PIK3CB: variants seen among roughly 807,000 people sequenced by gnomAD.
PIK3CB encodes the protein phosphatidylinositol 4,5-bisphosphate 3-kinase catalytic subunit beta isoform.
Under a neutral mutation model 136.8 loss-of-function variants are expected in PIK3CB, and 39 were observed. That is an observed-to-expected ratio of 0.29 (90% CI 0.22 to 0.37). PIK3CB has a LOEUF of 0.37. Ranked by LOEUF, PIK3CB falls within the 10% of genes least tolerant of loss-of-function variation. The pLI is 1.00. For missense variants in PIK3CB, 868 were observed against 1,275.4 expected (o/e 0.68, Z 4.87); for synonymous variants, 428 against 436.6 (o/e 0.98, Z 0.25).
chr3:138,759,353 C>T lies in PIK3CB; in HGVS notation c.-10G>A, dbSNP rs560827096. ...TGAAACTGAAGCACATTCATAACCA[C>T]GGGGCCCTAGAAATCAGTAATTAAA... On this transcript the variant is annotated 5_prime_UTR_variant, in exon 3 of 24. It adds an upstream start codon to the 5' untranslated region. Transcript: ENST00000674063. 155 of 1,595,308 alleles carry T rather than the reference C, an allele frequency of 9.7e-5. 3 individuals carry two copies. The South Asian group carries it at 1.5e-3, about 16-fold the overall frequency.
At position 138,762,012 on chromosome 3, in the gene PIK3CB, C is replaced by T. The variant is rs528447913; in HGVS notation, c.-16-2653G>A. The stretch of plus-strand genomic sequence containing the variant: ...CTGTAATCCCAGTACTTTGGGAGGC[C>T]GAGGTGGGTGGATCACCTGAGGTCA... On this transcript the variant is annotated intron_variant, in intron 2 of 23. Coordinates refer to ENST00000674063, the MANE Select transcript of PIK3CB (RefSeq NM_006219.3). Among the ~76,000 whole-genome samples, 3 of 151,424 alleles carry T rather than the reference C, an allele frequency of 2.0e-5. No homozygotes were observed. In the South Asian group the frequency reaches 6.3e-4, roughly 32 times the overall value.
rs558268649 is a variant in PIK3CB at position 138,778,504 on chromosome 3, C to T, written c.-17+17959G>A. ...CCAAGCTGAGCAGGGAGCTCACTGG[C>T]ATAGCCTTCTATGTCCCCACAGCCA... is the stretch of plus-strand genomic sequence containing the variant. On this transcript the variant is annotated intron_variant, in intron 2 of 23. Transcript: ENST00000674063. 6 of 239,174 alleles carry T rather than the reference C, an allele frequency of 2.5e-5. No homozygotes were observed. In the South Asian group the frequency reaches 2.8e-4, roughly 11 times the overall value. 14.8% of individuals were successfully genotyped at this position (239,174 alleles called of 1,614,324 possible).
intron 1 of PIK3CB, among the ~76,000 whole-genome samples, chr3:138,833,339 T>C (rs1479825243): frequency 1.3e-5 from 2 of 152,080 alleles, no homozygotes; most frequent in East Asian, 3.9e-4. Flanking sequence ...AGTGCTGGGA[T>C]TACAGGCGTG....
chr3:138,723,813 C>T (rs908100415), intron 8 of PIK3CB, among the ~76,000 whole-genome samples: 1 of 152,062 alleles, frequency 6.6e-6, no homozygotes, highest in Non-Finnish European at 1.5e-5. Context: ...TTTTAATTTC[C>T]TTCTTGTTCC....
intron 10 of PIK3CB, among the ~76,000 whole-genome samples, chr3:138,708,576 C>T (rs1272854268): frequency 6.7e-6 from 1 of 148,574 alleles, no homozygotes; most frequent in Non-Finnish European, 1.5e-5. Context: ...TCAATTTTCA[C>T]CTGGATGGAG....
intron 10 of PIK3CB, among the ~76,000 whole-genome samples, chr3:138,708,966 G>T (rs1199354149): frequency 6.6e-6 from 1 of 151,148 alleles, no homozygotes; most frequent in Non-Finnish European, 1.5e-5. Flanking sequence ...GTGTGTATAG[G>T]GAGACAGAGT....
At chr3:138,717,266 A>AG (rs1384908027) in intron 8 of PIK3CB, among the ~76,000 whole-genome samples, 1 of 152,066 alleles carries the variant, frequency 6.6e-6, no homozygotes, top group East Asian at 1.9e-4. Context: ...AAAAAAAAAA[A>AG]AAAAAGAAGT....
chr3:138,767,115 AGTGAGCCAAGATC>A (rs1343452139), intron 2 of PIK3CB, among the ~76,000 whole-genome samples: 2 of 151,384 alleles, frequency 1.3e-5, no homozygotes, highest in African/African-American at 4.8e-5. Context: ...CAGAAGTTGC[AGTGAGCCAAGATC>A]GTGCCACTGC....
At chr3:138,812,591 G>A (rs559876062) in intron 1 of PIK3CB, among the ~76,000 whole-genome samples, 1 of 150,186 alleles carries the variant, frequency 6.7e-6, no homozygotes, top group South Asian at 2.1e-4. Flanking sequence ...GCAATGGTAT[G>A]ACCTCAGCTG....
intron 3 of PIK3CB, among the ~76,000 whole-genome samples, chr3:138,757,463 G>C (rs1291761138): frequency 7.4e-6 from 1 of 134,680 alleles, no homozygotes; most frequent in African/African-American, 2.9e-5. Flanking sequence ...ACATCCATTA[G>C]GATGGATACT....
intron 1 of PIK3CB, among the ~76,000 whole-genome samples, chr3:138,800,547 G>A (rs538224056): frequency 8.4e-4 from 121 of 144,758 alleles, no homozygotes; most frequent in Non-Finnish European, 1.5e-3. Flanking sequence ...AAACTCCAGG[G>A]CTCAAGCAAT....
intron 21 of PIK3CB, among the ~76,000 whole-genome samples, chr3:138,659,197 T>C (rs888124045): frequency 6.6e-5 from 10 of 152,252 alleles, no homozygotes; most frequent in Non-Finnish European, 1.5e-4. Flanking sequence ...TTTTCATATA[T>C]TAACAAATGT....
intron 1 of PIK3CB, among the ~76,000 whole-genome samples, chr3:138,801,279 G>A (rs544829140): frequency 6.6e-6 from 1 of 152,312 alleles, no homozygotes; most frequent in African/African-American, 2.4e-5. Flanking sequence ...GGAATGAGCA[G>A]TTGTACCATA....
chr3:138,823,733 TAAAA>T (rs59428119), intron 1 of PIK3CB, among the ~76,000 whole-genome samples: 3 of 151,878 alleles, frequency 2.0e-5, no homozygotes, highest in African/African-American at 4.8e-5. Context: ...TTTTTTAAAA[TAAAA>T]AAACTATCAG....
chr3:138,778,729 C>G, intron 2 of PIK3CB: 1 of 252,276 alleles, frequency 4.0e-6, no homozygotes, highest in Non-Finnish European at 7.9e-6. Context: ...TCAATGACTA[C>G]TTTGTCAAGC....
intron 8 of PIK3CB, among the ~76,000 whole-genome samples, chr3:138,728,003 C>T (rs758894062): frequency 6.6e-6 from 1 of 151,998 alleles, no homozygotes; most frequent in Non-Finnish European, 1.5e-5. Flanking sequence ...GAGATCCGCC[C>T]GCCTCGGCCT....
At chr3:138,727,339 A>T (rs2044861308) in intron 8 of PIK3CB, among the ~76,000 whole-genome samples, 1 of 152,246 alleles carries the variant, frequency 6.6e-6, no homozygotes, top group Non-Finnish European at 1.5e-5. Context: ...CCTCAGTGAG[A>T]CTGACTTATT....
intron 1 of PIK3CB, among the ~76,000 whole-genome samples, chr3:138,810,633 G>A (rs539088061): frequency 2.7e-4 from 41 of 152,024 alleles, no homozygotes; most frequent in Admixed American, 6.6e-4. Context: ...AACAAGAAAT[G>A]TTGGGCCGGG....
intron 2 of PIK3CB, among the ~76,000 whole-genome samples, chr3:138,772,220 G>GA (rs2045808335): frequency 6.6e-6 from 1 of 151,938 alleles, no homozygotes; most frequent in African/African-American, 2.4e-5. Flanking sequence ...AAAGTTAAAA[G>GA]AAAAAACTGC....
Sources: allele counts gnomAD v4.1 joint callset (sites outside exome capture counted in the v4.1 genomes callset), GRCh38; gene constraint gnomAD v4.1.1; transcripts MANE v1.5; gene names NCBI Gene and HGNC (gene_info 2026-07-23, HGNC 2026-07-21).